RGS6: variants seen among roughly 807,000 people sequenced by gnomAD.
RGS6 encodes regulator of G-protein signaling 6.
A neutral mutation model predicts 78.5 loss-of-function variants in RGS6; 30 were observed. The ratio of observed to expected loss-of-function variants is 0.38; its 90% confidence interval spans 0.29 to 0.52. The LOEUF (loss-of-function observed/expected upper bound fraction) is 0.52, where lower values mean the gene tolerates loss of function less well. RGS6 is among the 20% of genes least tolerant of loss of function. RGS6 has a pLI of 0.85. For missense variants in RGS6, 495 were observed against 609.7 expected (o/e 0.81, Z 1.98); for synonymous variants, 206 against 206.0 (o/e 1.00, Z 0.00).
At chr14:72,385,378 A>G (rs573754591) in intron 3 of RGS6, among the ~76,000 whole-genome samples, 2 of 152,316 alleles carry the variant, frequency 1.3e-5, no homozygotes, top group South Asian at 4.1e-4. Context: ...CTGCTGATGT[A>G]AAATAGTGTT....
intron 13 of RGS6, among the ~76,000 whole-genome samples, chr14:72,506,732 C>A (rs551511437): frequency 7.2e-4 from 110 of 152,228 alleles, no homozygotes; most frequent in African/African-American, 2.5e-3. Flanking sequence ...AAATTCATGT[C>A]TTTCCCAGAA....
At chr14:72,125,052 T>C (rs1017261566) in intron 2 of RGS6, among the ~76,000 whole-genome samples, 1 of 152,218 alleles carries the variant, frequency 6.6e-6, no homozygotes, top group Non-Finnish European at 1.5e-5. Flanking sequence ...ATATAAAAGA[T>C]GCCAACTCCC....
chr14:72,568,630 G>A (rs150694740), downstream of RGS6, among the ~76,000 whole-genome samples: 11 of 152,296 alleles, frequency 7.2e-5, no homozygotes, highest in East Asian at 5.8e-4. Context: ...GCAGAGTGGC[G>A]GGCCGGAGGC....
At chr14:72,476,067 C>CA (rs2096237887) in intron 10 of RGS6, among the ~76,000 whole-genome samples, 1 of 152,236 alleles carries the variant, frequency 6.6e-6, no homozygotes, top group South Asian at 2.1e-4. Flanking sequence ...TTTGACTACA[C>CA]ATTGCATGCC....
chr14:72,419,973 G>C (rs921669589), intron 3 of RGS6, among the ~76,000 whole-genome samples: 6 of 152,234 alleles, frequency 3.9e-5, no homozygotes, highest in Non-Finnish European at 1.5e-5. Context: ...GGATGGGAAG[G>C]CCAGGAAGGC....
At chr14:72,051,659 G>A (rs572724393) in intron 2 of RGS6, among the ~76,000 whole-genome samples, 1 of 152,164 alleles carries the variant, frequency 6.6e-6, no homozygotes, top group African/African-American at 2.4e-5. Flanking sequence ...TCACTTTCTT[G>A]TAGAAGGAAG....
the RGS6 span, among the ~76,000 whole-genome samples, chr14:72,580,696 C>T: frequency 6.6e-6 from 1 of 152,202 alleles, no homozygotes; most frequent in African/African-American, 2.4e-5. Flanking sequence ...AATTGCTTTT[C>T]AGAGAAAGCA....
At chr14:71,963,981 A>G (rs146715090) in intron 1 of RGS6, among the ~76,000 whole-genome samples, 14 of 151,250 alleles carry the variant, frequency 9.3e-5, no homozygotes, top group Non-Finnish European at 1.8e-4. Flanking sequence ...CCTACCAGCA[A>G]TGTTTGAGGA....
In RGS6 at chr14:72,252,404, A is replaced by T. The variant is rs1041891892; in HGVS notation, c.85-99691A>T. Among the ~76,000 whole-genome samples, 3 of 152,230 alleles carry T rather than the reference A, an allele frequency of 2.0e-5. No homozygotes were observed. In the South Asian group the frequency reaches 6.2e-4, roughly 32 times the overall value. The stretch of plus-strand genomic sequence containing the variant: ...TCTGACAGCCCTAAATCAGGGAGAC[A>T]TACAGATTAACAGATGATTACCATC... On this transcript the variant is annotated intron_variant, in intron 2 of 17. Transcript: ENST00000553525.
At chr14:72,121,332 G>C (rs1195550964) in intron 2 of RGS6, among the ~76,000 whole-genome samples, 1 of 152,174 alleles carries the variant, frequency 6.6e-6, no homozygotes, top group African/African-American at 2.4e-5. Flanking sequence ...CCATTCCATA[G>C]CCTTGAGGGT....
At position 72,544,783 on chromosome 14, in the gene RGS6, A is replaced by G. The variant is rs538769014; in HGVS notation, c.1422+4689A>G. ...CATCCCCCTGTTCCTTCCCCTGCCA[A>G]AAGCCAAGGAAGAGCTAATGAGAGC... is the stretch of plus-strand genomic sequence containing the variant. On this transcript the variant is annotated intron_variant, in intron 17 of 17. Coordinates refer to ENST00000553525, the MANE Select transcript of RGS6 (RefSeq NM_001204424.2). 6.6e-5 allele frequency among the ~76,000 whole-genome samples: 10 copies of G among 152,282 alleles called. No homozygotes were observed. In the South Asian group the frequency reaches 1.9e-3, roughly 28 times the overall value.
At chr14:71,904,789 C>T in the RGS6 span, among the ~76,000 whole-genome samples, 1 of 109,620 alleles carries the variant, frequency 9.1e-6, no homozygotes, top group Non-Finnish European at 2.3e-5. Flanking sequence ...CTTCTAATAA[C>T]CCGAATATTT....
intron 2 of RGS6, among the ~76,000 whole-genome samples, chr14:72,299,156 A>C (rs2065528222): frequency 6.6e-6 from 1 of 152,202 alleles, no homozygotes; most frequent in Non-Finnish European, 1.5e-5. Context: ...CACATATAAC[A>C]CAGTTTACCA....
intron 2 of RGS6, among the ~76,000 whole-genome samples, chr14:72,180,176 G>T (rs2097156350): frequency 6.6e-6 from 1 of 152,198 alleles, no homozygotes; most frequent in Non-Finnish European, 1.5e-5. Flanking sequence ...GGACTACTGT[G>T]ATCCATTGAA....
At position 72,562,887 on chromosome 14, in the gene RGS6, G is replaced by A. The variant is rs1465242180; in HGVS notation, c.*420G>A. On this transcript the variant is annotated 3_prime_UTR_variant, in exon 18 of 18. Coordinates refer to ENST00000553525, the MANE Select transcript of RGS6 (RefSeq NM_001204424.2). Reference sequence around the variant, plus strand: ...CAAATTCAAGAGGCATGAGTGGACCGAGAGCACATCCAGCATTTGCATCAC... The same window carrying A: ...CAAATTCAAGAGGCATGAGTGGACCAAGAGCACATCCAGCATTTGCATCAC... 4 of 799,770 alleles carry A rather than the reference G, an allele frequency of 5.0e-6. No individual in the cohort carries two copies. The highest frequency in any genetic ancestry group is 1.7e-5 in the African/African-American group (1 of 59,012). The allele number at this position is 799,770 out of a possible 1,614,324, so 49.5% of individuals were successfully genotyped here. A position where few individuals can be genotyped will look rare whatever the true frequency, so the allele number is the denominator to read the frequency against.
intron 3 of RGS6, among the ~76,000 whole-genome samples, chr14:72,447,388 T>A (rs1012146341): frequency 2.0e-5 from 3 of 152,282 alleles, no homozygotes; most frequent in Middle Eastern, 3.4e-3. Flanking sequence ...CCAGCCACAA[T>A]GCCCTCCTCA....
At chr14:72,134,106 C>T (rs1045081306) in intron 2 of RGS6, among the ~76,000 whole-genome samples, 1 of 152,206 alleles carries the variant, frequency 6.6e-6, no homozygotes. Flanking sequence ...CATTCCTCTT[C>T]ATTTATTTCT....
At chr14:72,230,149 G>A (rs1485944496) in intron 2 of RGS6, among the ~76,000 whole-genome samples, 1 of 152,174 alleles carries the variant, frequency 6.6e-6, no homozygotes, top group Non-Finnish European at 1.5e-5. Context: ...AGATATTGAC[G>A]GGATGGGCTA....
intron 3 of RGS6, among the ~76,000 whole-genome samples, chr14:72,380,467 G>GA (rs2085780001): frequency 1.0e-5 from 1 of 96,556 alleles, no homozygotes. Context: ...TATCTTGACA[G>GA]CAAAAAAAAA....
Sources: allele counts gnomAD v4.1 joint callset (sites outside exome capture counted in the v4.1 genomes callset), GRCh38; gene constraint gnomAD v4.1.1; transcripts MANE v1.5; gene names NCBI Gene and HGNC (gene_info 2026-07-23, HGNC 2026-07-21).